Variants in ACOXL observed in about 807,000 individuals in gnomAD.
The protein encoded by ACOXL is acyl-CoA oxidase like.
A neutral mutation model predicts 71.9 loss-of-function variants in ACOXL; 70 were observed. The ratio of observed to expected loss-of-function variants is 0.97; its 90% CI spans 0.80 to 1.19. ACOXL has a LOEUF of 1.19. Among genes scored for constraint, ACOXL ranks in the 50% most tolerant of loss-of-function variants. The probability of loss-of-function intolerance (pLI) is 0.00; values close to 1 mark genes in which losing one functional copy is unlikely to be tolerated. For missense variants in ACOXL, 703 were observed against 736.3 expected (o/e 0.95, Z 0.52); for synonymous variants, 253 against 281.6 (o/e 0.90, Z 1.02).
intron 1 of ACOXL, among the ~76,000 whole-genome samples, chr2:110,760,601 A>G (rs1680275513): frequency 6.6e-6 from 1 of 152,206 alleles, no homozygotes; most frequent in Admixed American, 6.5e-5. Flanking sequence ...AGCCTCTCTG[A>G]TCTTGGCTGG....
At chr2:110,843,364 C>T (rs1434265429) in intron 10 of ACOXL, among the ~76,000 whole-genome samples, 1 of 152,228 alleles carries the variant, frequency 6.6e-6, no homozygotes, top group East Asian at 1.9e-4. Context: ...CATCCTCATT[C>T]CTCCAAACTG....
chr2:110,986,291 A>T (rs2062929031), intron 12 of ACOXL, among the ~76,000 whole-genome samples: 1 of 152,256 alleles, frequency 6.6e-6, no homozygotes, highest in South Asian at 2.1e-4. Flanking sequence ...AAATGTTCTT[A>T]AATTGATAGT....
At chr2:110,860,453 C>T (rs987659360) in intron 10 of ACOXL, among the ~76,000 whole-genome samples, 7 of 152,196 alleles carry the variant, frequency 4.6e-5, no homozygotes, top group South Asian at 4.2e-4. Context: ...TGTAGAGACC[C>T]AGGAAAAGGC....
At chr2:111,072,999 C>T (rs2067413313) in intron 16 of ACOXL, among the ~76,000 whole-genome samples, 1 of 152,138 alleles carries the variant, frequency 6.6e-6, no homozygotes, top group Non-Finnish European at 1.5e-5. Flanking sequence ...TTTGCATCTC[C>T]CCAGTAGCTG....
Position 110,816,524 on chromosome 2 carries a change from G to A in ACOXL, c.753+11129G>A, listed in dbSNP as rs1291618669. ...GGGTATTTTCAGCTGAGGCAGGTGTGTATCTGGGCAATGACTGTTTTGTTT... is the reference window on the plus strand; with the variant it reads ...GGGTATTTTCAGCTGAGGCAGGTGTATATCTGGGCAATGACTGTTTTGTTT... On this transcript the variant is annotated intron_variant, in intron 9 of 17. Transcript: ENST00000439055. 6.6e-5 allele frequency among the ~76,000 whole-genome samples: 10 copies of A among 152,326 alleles called. No individual in the cohort carries two copies. The South Asian group carries it at 1.9e-3, about 28-fold the overall frequency.
intron 17 of ACOXL, among the ~76,000 whole-genome samples, chr2:111,094,942 A>G (rs551337264): frequency 6.6e-6 from 1 of 152,174 alleles, no homozygotes; most frequent in African/African-American, 2.4e-5. Context: ...GGGTGGTCGA[A>G]TGTTTTATTT....
At position 110,859,081 on chromosome 2, in the gene ACOXL, G is replaced by A. The variant is rs140866329; in HGVS notation, c.788+17676G>A. Among the ~76,000 whole-genome samples, 32 of 152,298 alleles carry A rather than the reference G, an allele frequency of 2.1e-4. No individual in the cohort carries two copies. The East Asian group carries it at 5.0e-3, about 24-fold the overall frequency. On this transcript the variant is annotated intron_variant, in intron 10 of 17. Coordinates refer to ENST00000439055, the MANE Select transcript of ACOXL (RefSeq NM_001142807.4). The stretch of plus-strand genomic sequence containing the variant: ...AGTTATAGCTCTGCGTTTAGGATAC[G>A]TTCAACCTGAGCTGATTTTATCTGC...
chr2:110,733,266 C>G (rs1170274841), intron 1 of ACOXL, among the ~76,000 whole-genome samples: 1 of 152,156 alleles, frequency 6.6e-6, no homozygotes, highest in Non-Finnish European at 1.5e-5. Context: ...ACAGGACCCC[C>G]TCGGAGTGCA....
Position 111,117,693 on chromosome 2 carries a change from C to T in ACOXL, c.1620C>T (p.Leu540=). The T allele has an allele frequency of 6.4e-7, 1 of 1,551,790 alleles. No individual in the cohort carries two copies. Among genetic ancestry groups the T allele is most frequent in the Non-Finnish European group, 8.7e-7 (1 of 1,147,010 alleles). ...CCTTTAACATTCCACACACCTACCTCCACGCACCAATCGCCGGAATCTCCA... is the reference window on the plus strand; with the variant it reads ...CCTTTAACATTCCACACACCTACCTTCACGCACCAATCGCCGGAATCTCCA... ...ISTFNIPHTY[L]HAPIAGISNP... Residue 540 remains leucine, a synonymous_variant, in exon 18 of 18, where the codon CTC becomes CTT. Coordinates refer to ENST00000439055, the MANE Select transcript of ACOXL (RefSeq NM_001142807.4).
chr2:110,982,502 G>A (rs1029751502), intron 12 of ACOXL, among the ~76,000 whole-genome samples: 1 of 151,506 alleles, frequency 6.6e-6, no homozygotes, highest in Non-Finnish European at 1.5e-5. Context: ...GATTCTCCCC[G>A]AAGACATCTT....
intron 17 of ACOXL, chr2:111,098,475 G>C (rs115013664): frequency 4.7e-4 from 72 of 152,312 alleles, no homozygotes; most frequent in African/African-American, 1.7e-3. Context: ...AACTGACGAT[G>C]CATGGAAGAC....
chr2:111,071,575 C>G (rs752231527), intron 16 of ACOXL, among the ~76,000 whole-genome samples: 4 of 152,232 alleles, frequency 2.6e-5, no homozygotes, highest in Non-Finnish European at 5.9e-5. Context: ...AGGCAGAAGG[C>G]AGAGCACTTC....
chr2:110,966,033 C>T (rs1315547862), intron 12 of ACOXL, among the ~76,000 whole-genome samples: 1 of 152,144 alleles, frequency 6.6e-6, no homozygotes, highest in African/African-American at 2.4e-5. Flanking sequence ...AAAACATAAC[C>T]ATTCTCCCGA....
At chr2:110,846,641 G>GCACACACACAGACACACACA (rs1691891380) in intron 10 of ACOXL, among the ~76,000 whole-genome samples, 2 of 137,928 alleles carry the variant, frequency 1.5e-5, no homozygotes, top group African/African-American at 2.7e-5. Context: ...ATGCATACAC[G>GCACACACACAGACACACACA]CACACACACA....
intron 10 of ACOXL, among the ~76,000 whole-genome samples, chr2:110,881,833 A>T (rs1304467637): frequency 6.6e-6 from 1 of 151,706 alleles, no homozygotes; most frequent in Non-Finnish European, 1.5e-5. Context: ...TTGTAGATTC[A>T]TATTCAGTTG....
At chr2:111,023,635 A>G (rs554553041) in intron 14 of ACOXL, among the ~76,000 whole-genome samples, 110 of 152,218 alleles carry the variant, frequency 7.2e-4, no homozygotes, top group African/African-American at 2.6e-3. Flanking sequence ...GGTCCTGGGT[A>G]TGGAGCAGGA....
intron 9 of ACOXL, among the ~76,000 whole-genome samples, chr2:110,831,518 C>A (rs1689822815): frequency 6.6e-6 from 1 of 152,160 alleles, no homozygotes. Context: ...ATAAAGTTGT[C>A]AATTCTCCTC....
At chr2:111,010,415 T>A (rs1178568857) in intron 14 of ACOXL, among the ~76,000 whole-genome samples, 1 of 151,914 alleles carries the variant, frequency 6.6e-6, no homozygotes, top group East Asian at 1.9e-4. Flanking sequence ...CTAAAACACA[T>A]AAAGAAAAAT....
intron 10 of ACOXL, 38 bp downstream of exon 10, chr2:110,841,443 CT>C: frequency 6.4e-7 from 1 of 1,565,888 alleles, no homozygotes. Context: ...AAGAATTATC[CT>C]TACCAGTTTA....
Sources: allele counts gnomAD v4.1 joint callset (sites outside exome capture counted in the v4.1 genomes callset), GRCh38; gene constraint gnomAD v4.1.1; transcripts MANE v1.5; gene names NCBI Gene and HGNC (gene_info 2026-07-23, HGNC 2026-07-21).